The following STAG3 variants were observed in gnomAD, a reference collection of about 807,000 sequenced individuals.
STAG3 encodes the protein STAG3 cohesin complex component, also known as cohesin subunit SA-3.
Under a neutral mutation model 160.7 loss-of-function variants are expected in STAG3, and 101 were observed. The ratio of observed to expected loss-of-function variants is 0.63; its 90% CI spans 0.54 to 0.74. STAG3 has a LOEUF of 0.74. Ranked by LOEUF, STAG3 falls within the 30% of genes least tolerant of loss-of-function variation. The pLI, the probability that STAG3 is intolerant of heterozygous loss-of-function variation, is 0.00. For synonymous variants in STAG3, 519 were observed against 585.0 expected (o/e 0.89, Z 1.63); for missense variants, 1,188 against 1,517.4 (o/e 0.78, Z 3.61).
Position 100,198,527 on chromosome 7 carries a change from G to A in STAG3, c.1297G>A (p.Val433Met). ...DADCESVYPV[V>M]YASHRGLASA... ...GGATTGTGAGAGCGTCTACCCAGTT[G>A]TGTATGCCTCTCATCGAGGCCTGGC... Residue 433 changes from valine (V) to methionine (M), a missense_variant, in exon 13 of 34, where the codon GTG (valine) becomes ATG (methionine). By Grantham distance (21) the Val-to-Met change is conservative. This residue lies in a region of STAG3 where 240 missense variants were observed against 358.1 expected (regional missense o/e 0.67). Coordinates refer to ENST00000615138, the MANE Select transcript of STAG3 (RefSeq NM_001282717.2). 1 of 1,614,198 alleles carries A rather than the reference G, an allele frequency of 6.2e-7. No homozygotes were observed.
In STAG3 at chr7:100,205,125, G is replaced by A; in HGVS notation, c.3072G>A (p.Lys1024=). 1 of 1,614,188 alleles carries A rather than the reference G, an allele frequency of 6.2e-7. No individual in the cohort carries two copies. The highest frequency in any genetic ancestry group is 1.3e-5 in the African/African-American group (1 of 75,060). The change falls in exon 28 of 34, where the codon AAG becomes AAA. Residue 1024 remains lysine, a synonymous_variant. Coordinates refer to ENST00000615138, the MANE Select transcript of STAG3 (RefSeq NM_001282717.2). ...CCCCCCGACTCTTCCATCAGGACAA[G>A]CAGCTTTTGTAAGTTGGTGGGTGGA... is the stretch of plus-strand genomic sequence containing the variant. ...EFSPRLFHQD[K]QLLLSYLEKC...
chr7:100,186,518 A>T (rs1800013085), intron 5 of STAG3, among the ~76,000 whole-genome samples: 1 of 152,166 alleles, frequency 6.6e-6, no homozygotes, highest in Non-Finnish European at 1.5e-5. Flanking sequence ...CAGGAGTTTA[A>T]AACCAGCTTG....
chr7:100,184,450 G>T (rs1799851713), intron 4 of STAG3, among the ~76,000 whole-genome samples: 1 of 142,516 alleles, frequency 7.0e-6, no homozygotes, highest in African/African-American at 2.6e-5. Context: ...ATATGCAGTT[G>T]TACAGCGTGT....
intron 8 of STAG3, among the ~76,000 whole-genome samples, chr7:100,194,097 G>T (rs530669807): frequency 1.0e-3 from 152 of 151,948 alleles, no homozygotes; most frequent in Non-Finnish European, 1.5e-3. Flanking sequence ...ATAGGTGCCC[G>T]CCACCGCACC....
intron 11 of STAG3, 77 bp from the exon 12 acceptor site, chr7:100,198,010 G>T (rs1584711994): frequency 6.4e-7 from 1 of 1,551,048 alleles, no homozygotes; most frequent in East Asian, 2.2e-5. Flanking sequence ...ACTCTCTTTA[G>T]GAGTCTCTGA....
chr7:100,216,700 C>T (rs2117642291), downstream of STAG3, among the ~76,000 whole-genome samples: 1 of 151,756 alleles, frequency 6.6e-6, no homozygotes, highest in East Asian at 1.9e-4. Flanking sequence ...ACTCGGGAGG[C>T]TGAGACAGGA....
chr7:100,188,305 T>C, intron 5 of STAG3, 148 bp from the exon 6 acceptor site: 1 of 750,786 alleles, frequency 1.3e-6, no homozygotes, highest in South Asian at 1.5e-5. Context: ...CATGGTTGGA[T>C]GTTGGCAGAC....
rs1448098125 is a variant in STAG3, at chr7:100,201,136, T to A, written c.2108T>A (p.Leu703Gln). The A allele has an allele frequency of 1.2e-6, 2 of 1,614,142 alleles. No individual in the cohort carries two copies. The highest frequency in any genetic ancestry group is 1.7e-6 in the Non-Finnish European group (2 of 1,180,050). ...EDEVYNLAAT[L>Q]KRLSAFYNTH... The stretch of plus-strand genomic sequence containing the variant: ...GAGGTATATAATCTGGCAGCCACTC[T>A]GAAACGCCTCTCTGCCTTCTACAAG... The change falls in exon 20 of 34, where the codon CTG becomes CAG. Residue 703 changes from leucine to glutamine, a missense_variant. Leu to Gln is a moderately radical substitution (Grantham distance 113, BLOSUM62 -2). Coordinates refer to ENST00000615138, the MANE Select transcript of STAG3 (RefSeq NM_001282717.2).
In STAG3 at chr7:100,191,595, TA is replaced by T. The variant is rs1372733055; in HGVS notation, c.867+2005del. 3.3e-5 allele frequency among the ~76,000 whole-genome samples: 5 copies of T among 152,374 alleles called. 1 individual carries two copies. The highest frequency in any genetic ancestry group is 1.2e-4 in the African/African-American group (5 of 41,598). ...CCTTAATTTAGAAATATTTTATTGCTAAAAAATGCTAATGACAATCTGAACC... is the reference window on the plus strand; with the variant it reads ...CCTTAATTTAGAAATATTTTATTGCTAAAAATGCTAATGACAATCTGAACC... On this transcript the variant is annotated intron_variant, in intron 8 of 33. Coordinates refer to ENST00000615138, the MANE Select transcript of STAG3 (RefSeq NM_001282717.2).
intron 18 of STAG3, 61 bp downstream of exon 18, chr7:100,200,603 C>A: frequency 6.3e-7 from 1 of 1,575,036 alleles, no homozygotes; most frequent in Non-Finnish European, 8.7e-7. Flanking sequence ...GGTTCTATTG[C>A]CAGTATCTTT....
At chr7:100,203,736 G>C (rs1801369497) in intron 25 of STAG3, among the ~76,000 whole-genome samples, 1 of 151,968 alleles carries the variant, frequency 6.6e-6, no homozygotes, top group Non-Finnish European at 1.5e-5. Flanking sequence ...GGATGGTCTC[G>C]ATCTCCTGAC....
At chr7:100,199,846 G>A (rs568932501) in intron 16 of STAG3, among the ~76,000 whole-genome samples, 1 of 151,056 alleles carries the variant, frequency 6.6e-6, no homozygotes, top group East Asian at 2.0e-4. Context: ...ACGAGGTCAG[G>A]AGATCGAGAC....
rs551184556 is a variant in STAG3, at chr7:100,182,024, T to G, written c.117-66T>G. 3.2e-5 allele frequency: 38 copies of G among 1,198,840 alleles called. No individual in the cohort carries two copies. The South Asian group carries it at 4.4e-4, about 14-fold the overall frequency. 74.3% of individuals were successfully genotyped at this position (1,198,840 alleles called of 1,614,324 possible). ...GCGGTGAGAGACAGAGAAACCATAA[T>G]TAATTAGCCTTTTATATGGAGGGAA... is the stretch of plus-strand genomic sequence containing the variant. On this transcript the variant is annotated intron_variant, in intron 2 of 33. Coordinates refer to ENST00000615138, the MANE Select transcript of STAG3 (RefSeq NM_001282717.2).
At chr7:100,187,392 CTTT>C (rs35125400) in intron 5 of STAG3, among the ~76,000 whole-genome samples, 6 of 145,924 alleles carry the variant, frequency 4.1e-5, no homozygotes, top group Non-Finnish European at 3.0e-5. Context: ...TGCTTGATTC[CTTT>C]TTTTTTTTTT....
At chr7:100,197,424 C>CAGTGCTAGGGGAA in intron 10 of STAG3, 145 bp downstream of exon 10, 1 of 1,156,590 alleles carries the variant, frequency 8.6e-7, no homozygotes, top group Non-Finnish European at 1.3e-6. Flanking sequence ...TGAAATTCCC[C>CAGTGCTAGGGGAA]TAGCACTGGG....
rs549384827 is a variant in STAG3 at position 100,182,796 on chromosome 7, A to G, written c.293A>G (p.Asn98Ser). Residue 98 changes from asparagine to serine, a missense_variant, in exon 4 of 34, where the codon AAT becomes AGT. Around this residue, in one of 4 missense-constraint regions of STAG3, gnomAD observed 296 missense variants for 404.0 expected, o/e 0.73. Coordinates refer to ENST00000615138, the MANE Select transcript of STAG3 (RefSeq NM_001282717.2). ...HSRKQSEPPANDLFNAVKAAK... is the reference protein window; with the variant it reads ...HSRKQSEPPASDLFNAVKAAK... ...CGGAAACAGTCAGAGCCACCAGCCAATGATCTTTTCAATGCTGTGAAAGCC... is the reference window on the plus strand; with the variant it reads ...CGGAAACAGTCAGAGCCACCAGCCAGTGATCTTTTCAATGCTGTGAAAGCC... The G allele has an allele frequency of 8.7e-6, 14 of 1,613,994 alleles. No individual in the cohort carries two copies. The East Asian group carries it at 1.6e-4, about 18-fold the overall frequency.
In STAG3 at chr7:100,211,437, G is replaced by C. The variant is rs747437158; in HGVS notation, c.3416G>C (p.Ser1139Thr). 1.2e-6 allele frequency: 2 copies of C among 1,613,502 alleles called. No individual in the cohort carries two copies. Among genetic ancestry groups the C allele is most frequent in the Non-Finnish European group, 1.7e-6 (2 of 1,179,848 alleles). Residue 1139 changes from serine (S) to threonine (T), a missense_variant and splice_region_variant, in exon 31 of 34, where the codon AGT becomes ACT. Transcript: ENST00000615138. The stretch of plus-strand genomic sequence containing the variant: ...CATTGATCCTGCTTCATTCCCAGCA[G>C]TCAGCCCGTCGCAGGCACCGAGAGG... Reference protein sequence around the residue: ...DGSELDFAQGSQPVAGTERSR... With the variant: ...DGSELDFAQGTQPVAGTERSR...
chr7:100,215,985 G>A (rs1377706796), downstream of STAG3, among the ~76,000 whole-genome samples: 2 of 152,180 alleles, frequency 1.3e-5, no homozygotes, highest in Non-Finnish European at 2.9e-5. Context: ...AAAAGGCCAC[G>A]TGTAGGTGTT....
chr7:100,188,052 G>T (rs1351730680), intron 5 of STAG3, among the ~76,000 whole-genome samples: 1 of 152,144 alleles, frequency 6.6e-6, no homozygotes, highest in South Asian at 2.1e-4. Flanking sequence ...GACTGCACCC[G>T]GCTGGCCTGC....
Sources: gnomAD v4.1 joint callset for allele counts (sites outside exome capture counted in the v4.1 genomes callset) on GRCh38, gnomAD v4.1.1 for gene constraint, gnomAD v4.1.1 regional missense constraint, MANE v1.5 for transcripts, NCBI Gene and HGNC (gene_info 2026-07-23, HGNC 2026-07-21) for gene names.